PRDM5: variants seen among roughly 807,000 people sequenced by gnomAD.
The protein encoded by PRDM5 is PR/SET domain 5, also known as PR domain zinc finger protein 5.
In PRDM5, 56 loss-of-function variants were observed where a neutral mutation model predicts 81.2. The ratio of observed to expected loss-of-function variants is 0.69; its 90% CI spans 0.56 to 0.86. PRDM5 has a LOEUF of 0.86. Ranked by LOEUF, PRDM5 falls within the 40% of genes least tolerant of loss-of-function variation. PRDM5 has a pLI of 0.00. For synonymous variants in PRDM5, 267 were observed against 256.4 expected (o/e 1.04, Z -0.39); for missense variants, 697 against 770.1 (o/e 0.91, Z 1.12).
intron 2 of PRDM5, among the ~76,000 whole-genome samples, chr4:120,906,783 T>A (rs1167413664): frequency 1.3e-5 from 2 of 152,140 alleles, no homozygotes; most frequent in Non-Finnish European, 2.9e-5. Flanking sequence ...GGATTTTTGT[T>A]ACAACATGAA....
intron 6 of PRDM5, 92 bp downstream of exon 6, chr4:120,816,740 T>C (rs1036122921): frequency 3.3e-6 from 5 of 1,511,924 alleles, no homozygotes; most frequent in Admixed American, 1.7e-5. Flanking sequence ...TCTGTAGGTA[T>C]GTGAAACTGA....
intron 2 of PRDM5, among the ~76,000 whole-genome samples, chr4:120,885,172 A>G (rs184804664): frequency 1.3e-5 from 2 of 151,676 alleles, no homozygotes; most frequent in South Asian, 2.1e-4. Flanking sequence ...AAAGAAAAGA[A>G]AAGACATACG....
At chr4:120,788,285 T>C (rs1432984683) in intron 10 of PRDM5, among the ~76,000 whole-genome samples, 1 of 152,190 alleles carries the variant, frequency 6.6e-6, no homozygotes, top group Non-Finnish European at 1.5e-5. Flanking sequence ...AAGTCATGCA[T>C]ATCATACTTT....
intron 2 of PRDM5, among the ~76,000 whole-genome samples, chr4:120,867,381 A>G (rs1478014907): frequency 6.6e-6 from 1 of 152,206 alleles, no homozygotes; most frequent in Non-Finnish European, 1.5e-5. Flanking sequence ...AAACCAAAAC[A>G]TATGTTTCTA....
chr4:120,696,698 G>A (rs1267438778), intron 15 of PRDM5, among the ~76,000 whole-genome samples: 1 of 151,216 alleles, frequency 6.6e-6, no homozygotes, highest in Non-Finnish European at 1.5e-5. Context: ...AAATGTCAGT[G>A]TACATTTTTT....
At chr4:120,685,933 C>T (rs1458709574) in intron 1 of PRDM5, among the ~76,000 whole-genome samples, 1 of 151,894 alleles carries the variant, frequency 6.6e-6, no homozygotes, top group African/African-American at 2.4e-5. Context: ...GAGTTGATTG[C>T]ATCATGGGGT....
chr4:120,762,297 T>G (rs1745736490), intron 13 of PRDM5: 1 of 152,170 alleles, frequency 6.6e-6, no homozygotes, highest in Non-Finnish European at 1.5e-5. Flanking sequence ...ACTTTGAGTT[T>G]TCTAACAAAA....
chr4:120,684,377 A>T (rs1029240481), downstream of PRDM5, among the ~76,000 whole-genome samples: 2 of 152,038 alleles, frequency 1.3e-5, no homozygotes, highest in African/African-American at 4.8e-5. Flanking sequence ...TATTTGGACC[A>T]GTTCCATGAA....
intron 15 of PRDM5, among the ~76,000 whole-genome samples, chr4:120,708,909 T>C (rs1413106617): frequency 3.3e-5 from 5 of 152,168 alleles, no homozygotes; most frequent in African/African-American, 4.8e-5. Context: ...GCAGTCTGCA[T>C]TTCAGAAATG....
chr4:120,721,937 C>T (rs1418715796), intron 14 of PRDM5, among the ~76,000 whole-genome samples: 4 of 152,288 alleles, frequency 2.6e-5, no homozygotes, highest in South Asian at 4.1e-4. Flanking sequence ...ATGGTGGGCA[C>T]GCGGGTGCCC....
intron 10 of PRDM5, among the ~76,000 whole-genome samples, chr4:120,787,886 A>C (rs1243958037): frequency 6.6e-6 from 1 of 152,234 alleles, no homozygotes; most frequent in Non-Finnish European, 1.5e-5. Context: ...GTCAGATTAC[A>C]TATGGTATCA....
chr4:120,800,551 A>T (rs1436980937), intron 8 of PRDM5, among the ~76,000 whole-genome samples: 1 of 150,492 alleles, frequency 6.6e-6, no homozygotes, highest in East Asian at 1.9e-4. Context: ...TGACAGGAGG[A>T]TCACAACTTT....
chr4:120,912,338 G>A (rs540610468), intron 1 of PRDM5, among the ~76,000 whole-genome samples: 62 of 152,186 alleles, frequency 4.1e-4, no homozygotes, highest in Non-Finnish European at 6.9e-4. Context: ...ACTCCATAAT[G>A]TATTTTTGCC....
At chr4:120,863,191 T>TACACACACACACACACACACACACAC (rs370387683) in intron 2 of PRDM5, among the ~76,000 whole-genome samples, 1 of 70,308 alleles carries the variant, frequency 1.4e-5, no homozygotes, top group Non-Finnish European at 2.8e-5. Context: ...TATATATATA[T>TACACACACACACACACACACACACAC]ACACACACAC....
chr4:120,877,370 A>G (rs1762419328), intron 2 of PRDM5, among the ~76,000 whole-genome samples: 1 of 152,224 alleles, frequency 6.6e-6, no homozygotes, highest in Admixed American at 6.5e-5. Flanking sequence ...ACACTTATTT[A>G]GCCTAGCAGT....
chr4:120,753,411 T>C (rs946451686), intron 14 of PRDM5, among the ~76,000 whole-genome samples: 2 of 152,166 alleles, frequency 1.3e-5, no homozygotes, highest in Non-Finnish European at 2.9e-5. Context: ...TGAATGAATA[T>C]GATACTACAA....
intron 14 of PRDM5, among the ~76,000 whole-genome samples, chr4:120,727,961 A>C (rs1275871988): frequency 6.6e-6 from 1 of 150,436 alleles, no homozygotes; most frequent in Non-Finnish European, 1.5e-5. Flanking sequence ...AAAAAGAGAG[A>C]GAGAGAAAGT....
intron 2 of PRDM5, among the ~76,000 whole-genome samples, chr4:120,899,902 A>C: frequency 6.6e-6 from 1 of 152,160 alleles, no homozygotes; most frequent in Admixed American, 6.5e-5. Flanking sequence ...AGAGGCTAAA[A>C]GTATTCAGGA....
At chr4:120,902,900 C>T (rs1237400924) in intron 2 of PRDM5, among the ~76,000 whole-genome samples, 1 of 152,128 alleles carries the variant, frequency 6.6e-6, no homozygotes, top group Non-Finnish European at 1.5e-5. Context: ...CCCTAAGATC[C>T]CTTCATACCC....
Sources: allele counts gnomAD v4.1 joint callset (sites outside exome capture counted in the v4.1 genomes callset), GRCh38; gene constraint gnomAD v4.1.1; transcripts MANE v1.5; gene names NCBI Gene and HGNC (gene_info 2026-07-23, HGNC 2026-07-21).